OSMR: variants seen among roughly 807,000 people sequenced by gnomAD.
The protein encoded by OSMR is oncostatin M receptor, also known as oncostatin-M-specific receptor subunit beta.
A neutral mutation model predicts 99.9 loss-of-function variants in OSMR; 81 were observed. The observed-to-expected ratio is 0.81, with a 90% CI of 0.68 to 0.97. The LOEUF (loss-of-function observed/expected upper bound fraction) is 0.97. OSMR is among the 50% of genes least tolerant of loss of function. The probability of loss-of-function intolerance (pLI) is 0.00; values close to 1 mark genes in which losing one functional copy is unlikely to be tolerated. For synonymous variants in OSMR, 406 were observed against 410.4 expected, an observed-to-expected ratio of 0.99 and a Z score of 0.13; for missense variants, 1,099 against 1,153.4, an observed-to-expected ratio of 0.95 and a Z score of 0.68.
chr5:38,937,029 T>C (rs148119557), downstream of OSMR, among the ~76,000 whole-genome samples: 138 of 152,326 alleles, frequency 9.1e-4, no homozygotes, highest in African/African-American at 3.2e-3. This position sits in a 1 kb window ranked among gnomAD's most constrained non-coding sequence, Gnocchi z 4.0. Flanking sequence ...ATGCTTTTTA[T>C]TTCGGGGCCA....
At chr5:38,904,090 G>T in intron 8 of OSMR, 66 bp downstream of exon 8, 2 of 1,595,012 alleles carry the variant, frequency 1.3e-6, no homozygotes, top group South Asian at 1.1e-5. Flanking sequence ...AGACACTGAT[G>T]AATAAAATCA....
intron 3 of OSMR, among the ~76,000 whole-genome samples, chr5:38,879,537 G>C (rs1743098616): frequency 6.6e-6 from 1 of 152,084 alleles, no homozygotes; most frequent in Non-Finnish European, 1.5e-5. Flanking sequence ...TTCAGTCTGT[G>C]ACTTGTTGGC....
chr5:38,939,617 TAAC>T (rs773468622), downstream of OSMR: 2 of 231,480 alleles, frequency 8.6e-6, no homozygotes, highest in African/African-American at 4.4e-5. Flanking sequence ...CAATTAGAAA[TAAC>T]AATTCACTTT....
intron 7 of OSMR, among the ~76,000 whole-genome samples, chr5:38,890,598 C>T (rs1412136017): frequency 5.6e-5 from 8 of 142,664 alleles, no homozygotes; most frequent in African/African-American, 2.3e-4. Flanking sequence ...TTTGAAAGCC[C>T]CCTCTTTTTT....
Position 38,883,973 on chromosome 5 carries a change from G to A in OSMR, c.565G>A (p.Glu189Lys). 6 of 1,613,788 alleles carry A rather than the reference G, an allele frequency of 3.7e-6. No individual in the cohort carries two copies. In the Admixed American group the frequency reaches 8.3e-5, roughly 22 times the overall value. Residue 189 changes from glutamate (E) to lysine (K), a missense_variant, in exon 5 of 18, where the codon GAA becomes AAA. Glu to Lys is a moderately conservative substitution (Grantham distance 56). Transcript: ENST00000274276. ...TTTGGAAGGGAAACAGATTCATGGA[G>A]AACAACTTGATCCACATGTAACTGC... ...CYLEGKQIHG[E>K]QLDPHVTAFN... is the part of the protein sequence containing the mutation.
intron 9 of OSMR, among the ~76,000 whole-genome samples, chr5:38,914,333 A>G (rs1241183645): frequency 6.6e-6 from 1 of 152,176 alleles, no homozygotes; most frequent in African/African-American, 2.4e-5. Context: ...TGAGGACACA[A>G]GTCAAAATGG....
chr5:38,874,911 T>C (rs779030964), intron 2 of OSMR, among the ~76,000 whole-genome samples: 1 of 152,216 alleles, frequency 6.6e-6, no homozygotes, highest in African/African-American at 2.4e-5. Context: ...GCATGGTAAA[T>C]AACATGTGCT....
intron 4 of OSMR, chr5:38,883,577 G>A: frequency 2.7e-6 from 1 of 367,696 alleles, no homozygotes; most frequent in Non-Finnish European, 3.8e-6. Flanking sequence ...TTATCAGAGT[G>A]GTAATAGTAA....
intron 7 of OSMR, among the ~76,000 whole-genome samples, chr5:38,896,831 GT>G (rs546401266): frequency 4.9e-4 from 72 of 145,756 alleles, no homozygotes; most frequent in African/African-American, 1.4e-3. Context: ...TTCTATACCC[GT>G]TTTTTTTTTA....
At chr5:38,905,860 G>A (rs1284044904) in intron 9 of OSMR, among the ~76,000 whole-genome samples, 1 of 152,134 alleles carries the variant, frequency 6.6e-6, no homozygotes, top group African/African-American at 2.4e-5. Context: ...TTTGTGTATG[G>A]CAGCTGGCAG....
chr5:38,919,416 G>T (rs1246445761), intron 11 of OSMR: 4 of 1,173,526 alleles, frequency 3.4e-6, no homozygotes, highest in Non-Finnish European at 3.4e-6. Flanking sequence ...AATAGGAATT[G>T]CATTTACTAT....
At chr5:38,866,266 T>A (rs1359112014) in intron 1 of OSMR, among the ~76,000 whole-genome samples, 2 of 152,054 alleles carry the variant, frequency 1.3e-5, no homozygotes, top group Non-Finnish European at 2.9e-5. Context: ...GGCAAGTTGA[T>A]CCCTAGGGCC....
chr5:38,907,037 G>A (rs924184763), intron 9 of OSMR, among the ~76,000 whole-genome samples: 2 of 152,150 alleles, frequency 1.3e-5, no homozygotes, highest in African/African-American at 4.8e-5. Context: ...AATAGAAGTT[G>A]GAGGTCCTAG....
intron 1 of OSMR, chr5:38,942,155 C>G: frequency 2.2e-6 from 1 of 444,748 alleles, no homozygotes. Flanking sequence ...GTCAGCAGTT[C>G]CAACTGTTCA....
chr5:38,853,531 A>C (rs192115352), intron 1 of OSMR, among the ~76,000 whole-genome samples: 1 of 152,298 alleles, frequency 6.6e-6, no homozygotes, highest in East Asian at 1.9e-4. Context: ...TTTTCCCACA[A>C]GTCTGCGTGC....
rs747849705 is a variant in OSMR, at chr5:38,933,185, T to C, written c.2681T>C (p.Leu894Pro). The C allele has an allele frequency of 6.2e-7, 1 of 1,614,106 alleles. No homozygotes were observed. The highest frequency in any genetic ancestry group is 8.5e-7 in the Non-Finnish European group (1 of 1,179,994). ...LGLMTSPENV[L>P]KALEKNYMNS... ...CTAATGACCTCACCTGAAAATGTAC[T>C]AAAGGCACTAGAAAAAAACTACATG... The change falls in exon 18 of 18, where the codon CTA becomes CCA. Residue 894 changes from leucine (L) to proline (P), a missense_variant. Coordinates refer to ENST00000274276, the MANE Select transcript of OSMR (RefSeq NM_003999.3).
intron 3 of OSMR, among the ~76,000 whole-genome samples, chr5:38,878,114 T>C (rs143884175): frequency 6.6e-6 from 1 of 152,248 alleles, no homozygotes; most frequent in East Asian, 1.9e-4. Context: ...TTCACTCCTG[T>C]GCCCAGAAAG....
exon 2 of OSMR, chr5:38,944,220 T>C: frequency 1.6e-6 from 1 of 610,298 alleles, no homozygotes; most frequent in Non-Finnish European, 3.1e-6. Flanking sequence ...AAAGTCTGGC[T>C]TAATAGAAGA....
intron 7 of OSMR, among the ~76,000 whole-genome samples, chr5:38,903,569 G>A (rs1745029734): frequency 6.6e-6 from 1 of 152,168 alleles, no homozygotes; most frequent in Non-Finnish European, 1.5e-5. Context: ...TCTGAGTTCT[G>A]TTAAAATTCT....
Sources: allele counts gnomAD v4.1 joint callset (sites outside exome capture counted in the v4.1 genomes callset), GRCh38; gene constraint gnomAD v4.1.1; non-coding constraint Gnocchi (gnomAD v3.1); transcripts MANE v1.5; gene names NCBI Gene and HGNC (gene_info 2026-07-23, HGNC 2026-07-21).